Variants in GYS2 observed in about 807,000 individuals in gnomAD.
GYS2 encodes the protein glycogen synthase 2.
Under a neutral mutation model 85.6 loss-of-function variants are expected in GYS2, and 80 were observed. The observed-to-expected ratio is 0.93, with a 90% CI of 0.78 to 1.13. The LOEUF (loss-of-function observed/expected upper bound fraction) is 1.13, where lower values mean the gene tolerates loss of function less well. Among genes scored for constraint, GYS2 ranks in the 50% most tolerant of loss-of-function variants. The pLI, the probability that GYS2 is intolerant of heterozygous loss-of-function variation, is 0.00. For missense variants in GYS2, 881 were observed against 854.9 expected, an observed-to-expected ratio of 1.03 and a Z score of -0.38; for synonymous variants, 328 against 300.7, an observed-to-expected ratio of 1.09 and a Z score of -0.94.
At position 21,575,766 on chromosome 12, in the gene GYS2, C is replaced by T. The variant is rs1944437880; in HGVS notation, c.495+100G>A. On this transcript the variant is annotated intron_variant, in intron 3 of 15. Coordinates refer to ENST00000261195, the MANE Select transcript of GYS2 (RefSeq NM_021957.4). ...GTATTAGGACAAGCCATAATGGCATCATCTCAAAATCTGCCTCATTTAAAG... is the reference window on the plus strand; with the variant it reads ...GTATTAGGACAAGCCATAATGGCATTATCTCAAAATCTGCCTCATTTAAAG... The T allele has an allele frequency of 3.4e-6, 3 of 893,038 alleles. No individual in the cohort carries two copies. In the Admixed American group the frequency reaches 5.1e-5, roughly 15 times the overall value. The allele number at this position is 893,038 out of a possible 1,614,324, so 55.3% of individuals were successfully genotyped here.
chr12:21,559,766 T>C, intron 8 of GYS2, 56 bp from the exon 9 acceptor site: 2 of 1,065,456 alleles, frequency 1.9e-6, no homozygotes, highest in East Asian at 4.7e-5. Context: ...TTAATCTTTA[T>C]TTGTCACGAT....
chr12:21,535,660 A>C (rs1943903641), downstream of GYS2, among the ~76,000 whole-genome samples: 1 of 152,192 alleles, frequency 6.6e-6, no homozygotes, highest in African/African-American at 2.4e-5. Flanking sequence ...GTCTTGAACC[A>C]TCTGACACCT....
At chr12:21,596,499 T>G (rs1266530113) in intron 1 of GYS2, among the ~76,000 whole-genome samples, 1 of 151,946 alleles carries the variant, frequency 6.6e-6, no homozygotes, top group African/African-American at 2.4e-5. Flanking sequence ...AAACAAAAAT[T>G]ACATGATCAT....
rs980939165 is a variant in GYS2 at position 21,547,457 on chromosome 12, C to G, written c.1423-987G>C. 2.0e-5 allele frequency among the ~76,000 whole-genome samples: 3 copies of G among 152,090 alleles called. No homozygotes were observed. The East Asian group carries it at 5.8e-4, about 29-fold the overall frequency. On this transcript the variant is annotated intron_variant, in intron 11 of 15. Coordinates refer to ENST00000261195, the MANE Select transcript of GYS2 (RefSeq NM_021957.4). ...TTAGTGCTAAAAAGAAATGAGCTAT[C>G]AAGCCATGAAAATAAATAGAGGAAA...
chr12:21,592,002 C>T (rs1944644670), intron 1 of GYS2, among the ~76,000 whole-genome samples: 1 of 151,994 alleles, frequency 6.6e-6, no homozygotes, highest in Non-Finnish European at 1.5e-5. Flanking sequence ...GAGTCCTACA[C>T]ATGAAAGTGA....
chr12:21,603,875 T>C (rs192190744), intron 1 of GYS2, among the ~76,000 whole-genome samples: 76 of 152,262 alleles, frequency 5.0e-4, no homozygotes, highest in Middle Eastern at 3.4e-3. Flanking sequence ...CACTCGCAAA[T>C]TGTTTTATCA....
chr12:21,565,972 A>G (rs1048371067), intron 5 of GYS2, among the ~76,000 whole-genome samples: 1 of 152,114 alleles, frequency 6.6e-6, no homozygotes, highest in African/African-American at 2.4e-5. Context: ...AAAATGACAA[A>G]TTTTTTTAAA....
chr12:21,555,806 G>T (rs1298043030), intron 11 of GYS2, among the ~76,000 whole-genome samples: 1 of 152,138 alleles, frequency 6.6e-6, no homozygotes, highest in Non-Finnish European at 1.5e-5. Flanking sequence ...ACCTGAAAAA[G>T]CCTTCTTCCC....
chr12:21,574,465 T>C (rs1944422434), intron 3 of GYS2, 139 bp from the exon 4 acceptor site: 1 of 679,768 alleles, frequency 1.5e-6, no homozygotes, highest in Non-Finnish European at 2.6e-6. Context: ...GCATGAATAT[T>C]TAGCAAGGAT....
intron 13 of GYS2, among the ~76,000 whole-genome samples, chr12:21,540,914 C>A (rs1410114585): frequency 1.3e-5 from 2 of 152,096 alleles, no homozygotes; most frequent in Non-Finnish European, 2.9e-5. Flanking sequence ...AGTGTTCCCA[C>A]TGTTCAGCCG....
intron 11 of GYS2, among the ~76,000 whole-genome samples, chr12:21,550,394 ATCT>A (rs1944093554): frequency 6.6e-6 from 1 of 151,618 alleles, no homozygotes; most frequent in South Asian, 2.1e-4. Flanking sequence ...TATTGGGTCA[ATCT>A]TCTTCTGTGT....
intron 11 of GYS2, among the ~76,000 whole-genome samples, chr12:21,548,503 C>T (rs2126885): frequency 0.71 from 108,584 of 151,980 alleles, 39,690 homozygotes; most frequent in South Asian, 0.8. Flanking sequence ...ATTTTGAGAA[C>T]TACCTTTCAT....
At chr12:21,543,057 C>A (rs1439452325) in intron 12 of GYS2, among the ~76,000 whole-genome samples, 1 of 152,110 alleles carries the variant, frequency 6.6e-6, no homozygotes, top group Non-Finnish European at 1.5e-5. Context: ...TTTAAATCTC[C>A]CTTGGCACAT....
At chr12:21,585,805 A>G (rs1156328748) in intron 1 of GYS2, among the ~76,000 whole-genome samples, 1 of 152,228 alleles carries the variant, frequency 6.6e-6, no homozygotes, top group Non-Finnish European at 1.5e-5. Context: ...ATCATGTGAC[A>G]TAAGATTTAT....
chr12:21,568,832 C>G (rs745486449), intron 5 of GYS2, 33 bp downstream of exon 5: 1 of 1,592,150 alleles, frequency 6.3e-7, no homozygotes, highest in East Asian at 2.2e-5. Context: ...TCATTCGGAA[C>G]TGAAAGATAG....
intron 9 of GYS2, 32 bp from the exon 10 acceptor site, chr12:21,559,201 A>T (rs781508407): frequency 2.4e-6 from 3 of 1,246,206 alleles, no homozygotes; most frequent in Non-Finnish European, 3.5e-6. Context: ...AACAAAAATA[A>T]AAACAGCTGG....
At chr12:21,552,087 T>G (rs1229707729) in intron 11 of GYS2, among the ~76,000 whole-genome samples, 1 of 152,012 alleles carries the variant, frequency 6.6e-6, no homozygotes, top group Non-Finnish European at 1.5e-5. Flanking sequence ...CAGCTGAAGG[T>G]TATAAAGAGG....
chr12:21,543,131 T>C (rs1486296968), intron 12 of GYS2, among the ~76,000 whole-genome samples: 1 of 152,216 alleles, frequency 6.6e-6, no homozygotes, highest in African/African-American at 2.4e-5. Context: ...CCTCACCTTT[T>C]AATCAAAATC....
downstream of GYS2, chr12:21,533,014 C>T (rs947214230): frequency 6.6e-6 from 1 of 152,056 alleles, no homozygotes; most frequent in African/African-American, 2.4e-5. Flanking sequence ...TTTAAAAAAC[C>T]AAAATGAACA....
Sources: allele counts gnomAD v4.1 joint callset (sites outside exome capture counted in the v4.1 genomes callset), GRCh38; gene constraint gnomAD v4.1.1; transcripts MANE v1.5; gene names NCBI Gene and HGNC (gene_info 2026-07-23, HGNC 2026-07-21).